The following ZC4H2 variants were observed in gnomAD, a reference collection of about 807,000 sequenced individuals.
The protein encoded by ZC4H2 is zinc finger C4H2 domain-containing protein.
For synonymous variants in ZC4H2, 84 were observed against 66.3 expected, an observed-to-expected ratio of 1.27 and a Z score of -1.30; for missense variants, 137 against 173.9, an observed-to-expected ratio of 0.79 and a Z score of 1.19.
At chrX:64,957,508 GT>G (rs1257366657) in intron 1 of ZC4H2, among the ~76,000 whole-genome samples, 4 of 111,714 alleles carry the variant, frequency 3.6e-5, no homozygotes, top group Non-Finnish European at 7.5e-5. Flanking sequence ...TTTCATAAGC[GT>G]TTTTTCTATG....
chrX:64,937,654 C>T (rs1602396931), intron 1 of ZC4H2, among the ~76,000 whole-genome samples: 1 of 111,043 alleles, frequency 9.0e-6, no homozygotes, highest in East Asian at 2.8e-4. Flanking sequence ...CAACTACATG[C>T]AAACTGAACA....
chrX:64,916,464 G>A lies in ZC4H2; in HGVS notation c.*1319C>T, dbSNP rs968779712. ...CAATGAATGCATGTTAAAAGGATTT[G>A]TACAGACACAACACTCTTACTTTCA... is the stretch of plus-strand genomic sequence containing the variant. On this transcript the variant is annotated 3_prime_UTR_variant, in exon 5 of 5. Transcript: ENST00000374839. 1 of 111,876 alleles carries A rather than the reference G, an allele frequency of 8.9e-6. No individual in the cohort carries two copies. The highest frequency in any genetic ancestry group is 1.9e-5 in the Non-Finnish European group (1 of 53,167). The allele number at this position is 111,876 out of a possible 1,213,427, so 9.2% of individuals were successfully genotyped here. A position where few individuals can be genotyped will look rare whatever the true frequency, so the allele number is the denominator to read the frequency against.
rs1928898413 is a variant in ZC4H2 at position 64,915,908 on chromosome X, G to T, written c.*1875C>A. 1 of 111,911 alleles carries T rather than the reference G, an allele frequency of 8.9e-6. No homozygotes were observed. The highest frequency in any genetic ancestry group is 3.2e-5 in the African/African-American group (1 of 30,781). 9.2% of individuals were successfully genotyped at this position (111,911 alleles called of 1,213,427 possible). On this transcript the variant is annotated 3_prime_UTR_variant, in exon 5 of 5. Coordinates refer to ENST00000374839, the MANE Select transcript of ZC4H2 (RefSeq NM_018684.4). ...TAGTGTACAGGATATTATTTAGAGA[G>T]CCCTTGGCCTTTATATCCCTGAATC...
intron 1 of ZC4H2, among the ~76,000 whole-genome samples, chrX:64,954,198 T>C (rs1931021256): frequency 9.8e-6 from 1 of 102,455 alleles, no homozygotes; most frequent in Non-Finnish European, 2.0e-5. Context: ...AGATATAGCA[T>C]TAGGAGATAT....
chrX:64,931,391 G>A (rs761563267), intron 1 of ZC4H2, among the ~76,000 whole-genome samples: 16 of 110,789 alleles, frequency 1.4e-4, no homozygotes, highest in Non-Finnish European at 3.0e-4. Flanking sequence ...TCTTCTGCTG[G>A]GTTTGAGTTT....
At chrX:64,934,539 T>C (rs1469594812) in intron 1 of ZC4H2, among the ~76,000 whole-genome samples, 1 of 111,976 alleles carries the variant, frequency 8.9e-6, no homozygotes, top group Non-Finnish European at 1.9e-5. Flanking sequence ...AATTTGTGTC[T>C]TGATTGCTGG....
At chrX:64,929,420 C>A (rs1401963352) in intron 1 of ZC4H2, among the ~76,000 whole-genome samples, 1 of 111,791 alleles carries the variant, frequency 8.9e-6, no homozygotes, top group African/African-American at 3.3e-5. Context: ...ATTTTGGAGT[C>A]TTAGTCATGA....
chrX:64,943,578 T>A (rs1299794658), intron 1 of ZC4H2, among the ~76,000 whole-genome samples: 1 of 92,981 alleles, frequency 1.1e-5, no homozygotes, highest in African/African-American at 8.0e-5. Flanking sequence ...CCCTTTTCCA[T>A]CATGTAATAT....
chrX:65,012,353 T>C (rs1322438972), intron 1 of ZC4H2, among the ~76,000 whole-genome samples: 1 of 111,096 alleles, frequency 9.0e-6, no homozygotes, highest in Non-Finnish European at 1.9e-5. Context: ...ACTCAAGTAT[T>C]CATGCAAGGC....
At chrX:64,955,899 G>A (rs962747394) in intron 1 of ZC4H2, among the ~76,000 whole-genome samples, 1 of 111,660 alleles carries the variant, frequency 9.0e-6, no homozygotes, top group Non-Finnish European at 1.9e-5. Context: ...AGTCAGAAAG[G>A]GAACATTGGT....
chrX:64,922,864 G>A (rs759360788), intron 1 of ZC4H2, among the ~76,000 whole-genome samples: 1 of 112,159 alleles, frequency 8.9e-6, no homozygotes, highest in African/African-American at 3.2e-5. Context: ...AAACAGCCAC[G>A]TGTGGCTACT....
chrX:65,016,101 T>G (rs1019054203), intron 1 of ZC4H2, among the ~76,000 whole-genome samples: 2 of 112,048 alleles, frequency 1.8e-5, no homozygotes, highest in African/African-American at 6.5e-5. Flanking sequence ...TATATTAATG[T>G]GGCCGACCCT....
At chrX:64,937,198 A>G (rs1303245698) in intron 1 of ZC4H2, among the ~76,000 whole-genome samples, 2 of 111,697 alleles carry the variant, frequency 1.8e-5, no homozygotes, top group Non-Finnish European at 3.8e-5. Context: ...GAAGGGCATT[A>G]CATAATGTTA....
chrX:64,933,250 A>T (rs1056855473), intron 1 of ZC4H2, among the ~76,000 whole-genome samples: 4 of 111,200 alleles, frequency 3.6e-5, no homozygotes, highest in Non-Finnish European at 5.7e-5. Context: ...CTCTGAAAAA[A>T]TTTTAATTAT....
At chrX:64,999,043 T>G (rs1932477572) in intron 1 of ZC4H2, among the ~76,000 whole-genome samples, 1 of 80,937 alleles carries the variant, frequency 1.2e-5, no homozygotes. Flanking sequence ...TTATGTGTTT[T>G]TTTTTTTTTT....
At chrX:64,964,938 A>C (rs1931535405) in intron 1 of ZC4H2, among the ~76,000 whole-genome samples, 1 of 112,129 alleles carries the variant, frequency 8.9e-6, no homozygotes, top group African/African-American at 3.2e-5. Context: ...TGATAAGTTA[A>C]GGATGTATAT....
At position 64,954,241 on chromosome X, in the gene ZC4H2, C is replaced by T. The variant is rs1458568740; in HGVS notation, c.53+22084G>A. Among the ~76,000 whole-genome samples the T allele has an allele frequency of 5.1e-5, 5 of 97,779 alleles. No individual in the cohort carries two copies. In the Admixed American group the frequency reaches 5.7e-4, roughly 11 times the overall value. 84.9% of individuals were successfully genotyped at this position (97,779 alleles called of 115,157 possible). The stretch of plus-strand genomic sequence containing the variant: ...GTAAATGACGAGTTAATGGGTGCAG[C>T]ACACCTACGTGGCACGTGTATACAT... On this transcript the variant is annotated intron_variant, in intron 1 of 4. Transcript: ENST00000374839.
chrX:65,007,417 C>A (rs951889489), intron 1 of ZC4H2, among the ~76,000 whole-genome samples: 1 of 112,246 alleles, frequency 8.9e-6, no homozygotes, highest in Non-Finnish European at 1.9e-5. Flanking sequence ...CAAGTATCAG[C>A]CTGAAGTGCA....
intron 1 of ZC4H2, among the ~76,000 whole-genome samples, chrX:65,027,657 G>A (rs746686313): frequency 1.2e-3 from 134 of 111,216 alleles, no homozygotes; most frequent in African/African-American, 4.2e-3. Context: ...GGACCGTTGG[G>A]GGCCTACCAA....
Sources: allele counts gnomAD v4.1 joint callset (sites outside exome capture counted in the v4.1 genomes callset), GRCh38; gene constraint gnomAD v4.1.1; transcripts MANE v1.5; gene names NCBI Gene and HGNC (gene_info 2026-07-23, HGNC 2026-07-21).